Variants in VWC2 observed in about 807,000 individuals in gnomAD.
The protein encoded by VWC2 is brorin.
A neutral mutation model predicts 29.8 loss-of-function variants in VWC2; 14 were observed. That is an observed-to-expected ratio of 0.47 (90% CI 0.31 to 0.74). The LOEUF (loss-of-function observed/expected upper bound fraction) is 0.74, where lower values mean the gene tolerates loss of function less well. Among genes scored for constraint, VWC2 ranks in the 30% least tolerant of loss-of-function variants. VWC2 has a pLI of 0.05. For synonymous variants in VWC2, 213 were observed against 199.0 expected (o/e 1.07, Z -0.59); for missense variants, 457 against 459.8 (o/e 0.99, Z 0.05).
rs551050114 is a variant in VWC2, at chr7:49,920,054, A to G, written c.*7869A>G. 1.3e-5 allele frequency: 2 copies of G among 152,282 alleles called. No individual in the cohort carries two copies. Among genetic ancestry groups the G allele is most frequent in the Non-Finnish European group, 2.9e-5 (2 of 68,002 alleles). 9.4% of individuals were successfully genotyped at this position (152,282 alleles called of 1,614,324 possible). ...TAATGGTGTTTTTTTTTGGTACAAT[A>G]AACAGCATACCTACATTTCAGAGGA... On this transcript the variant is annotated 3_prime_UTR_variant, in exon 4 of 4. Coordinates refer to ENST00000340652, the MANE Select transcript of VWC2 (RefSeq NM_198570.5).
intron 2 of VWC2, among the ~76,000 whole-genome samples, chr7:49,792,942 G>A (rs1788498407): frequency 6.6e-6 from 1 of 152,200 alleles, no homozygotes; most frequent in Admixed American, 6.5e-5. Context: ...CACGTCTCAT[G>A]GCCTACCTGG....
intron 2 of VWC2, among the ~76,000 whole-genome samples, chr7:49,792,211 A>G (rs1788476509): frequency 1.3e-5 from 2 of 152,170 alleles, no homozygotes; most frequent in Non-Finnish European, 2.9e-5. Flanking sequence ...ATACCAGCGG[A>G]CGACTGTAAT....
At chr7:49,788,152 C>A (rs145181046) in intron 2 of VWC2, among the ~76,000 whole-genome samples, 2 of 152,208 alleles carry the variant, frequency 1.3e-5, no homozygotes, top group Admixed American at 6.5e-5. Flanking sequence ...AGTGCCTGTC[C>A]ACTCCTGGCT....
intron 2 of VWC2, among the ~76,000 whole-genome samples, chr7:49,783,707 G>A (rs1230215338): frequency 2.0e-5 from 3 of 152,160 alleles, no homozygotes; most frequent in Non-Finnish European, 2.9e-5. Context: ...AGGGCCCTGT[G>A]AGTTCTCTCA....
chr7:49,810,899 A>G (rs1788992291), intron 3 of VWC2, among the ~76,000 whole-genome samples: 1 of 152,208 alleles, frequency 6.6e-6, no homozygotes, highest in Admixed American at 6.5e-5. Context: ...GTGAGTGTTT[A>G]AACTATGTAA....
At chr7:49,782,542 TAA>T (rs11354472) in intron 2 of VWC2, among the ~76,000 whole-genome samples, 12 of 145,896 alleles carry the variant, frequency 8.2e-5, no homozygotes, top group Non-Finnish European at 1.4e-4. Flanking sequence ...TTCTAGTGGT[TAA>T]AAAAAAAAAA....
intron 3 of VWC2, among the ~76,000 whole-genome samples, chr7:49,828,479 C>T (rs1487714323): frequency 2.0e-5 from 3 of 152,116 alleles, no homozygotes; most frequent in Non-Finnish European, 4.4e-5. Context: ...TTTTACACTC[C>T]TACCAGCAAT....
rs186391455 is a variant in VWC2, at chr7:49,810,237, T to C, written c.826+7397T>C. Among the ~76,000 whole-genome samples the C allele has an allele frequency of 3.6e-3, 554 of 152,042 alleles. 1 individual carries two copies. Among genetic ancestry groups the C allele is most frequent in the African/African-American group, 0.013 (531 of 41,520 alleles). Reference sequence around the variant, plus strand: ...AATACCAGATACATATACAAAAATATACATTTTTGTAGTATACAATGGATA... The same window carrying C: ...AATACCAGATACATATACAAAAATACACATTTTTGTAGTATACAATGGATA... On this transcript the variant is annotated intron_variant, in intron 3 of 3. Transcript: ENST00000340652.
At chr7:49,795,403 G>A (rs1371358188) in intron 2 of VWC2, among the ~76,000 whole-genome samples, 1 of 152,168 alleles carries the variant, frequency 6.6e-6, no homozygotes, top group Non-Finnish European at 1.5e-5. Flanking sequence ...GTTCTGAACT[G>A]GAATCAGGAC....
chr7:49,859,787 CGT>C (rs1491324470), intron 3 of VWC2, among the ~76,000 whole-genome samples: 9,514 of 74,854 alleles, frequency 0.13, 388 homozygotes, highest in African/African-American at 0.21. Flanking sequence ...AGTGCGCGTG[CGT>C]GCACACACAC....
intron 3 of VWC2, among the ~76,000 whole-genome samples, chr7:49,893,955 GGACC>G (rs1488493833): frequency 6.6e-6 from 1 of 152,162 alleles, no homozygotes; most frequent in African/African-American, 2.4e-5. Flanking sequence ...AGCAGATGCT[GGACC>G]CTGCTGGGCT....
At chr7:49,779,925 T>TG (rs1271816558) in intron 2 of VWC2, among the ~76,000 whole-genome samples, 1 of 152,226 alleles carries the variant, frequency 6.6e-6, no homozygotes, top group Non-Finnish European at 1.5e-5. Context: ...CATATTGGAT[T>TG]GGGGCCTGAC....
chr7:49,876,578 C>T (rs1791422166), intron 3 of VWC2, among the ~76,000 whole-genome samples: 2 of 152,148 alleles, frequency 1.3e-5, no homozygotes, highest in South Asian at 4.1e-4. Flanking sequence ...TAAATACCTA[C>T]TTGGAGAAAC....
intron 3 of VWC2, among the ~76,000 whole-genome samples, chr7:49,813,546 G>T (rs1305949815): frequency 6.6e-6 from 1 of 152,198 alleles, no homozygotes; most frequent in Non-Finnish European, 1.5e-5. Flanking sequence ...TTTCCTGCCA[G>T]TCAAATTTAC....
At chr7:49,800,012 T>G (rs886925998) in intron 2 of VWC2, among the ~76,000 whole-genome samples, 2 of 152,228 alleles carry the variant, frequency 1.3e-5, no homozygotes, top group African/African-American at 4.8e-5. Context: ...ATGGGGCACA[T>G]GAGTGCGGCT....
At chr7:49,909,713 G>A (rs1793301038) in intron 3 of VWC2, among the ~76,000 whole-genome samples, 2 of 152,140 alleles carry the variant, frequency 1.3e-5, no homozygotes, top group African/African-American at 4.8e-5. Flanking sequence ...CTAAAATTTG[G>A]GAGTCATTGC....
chr7:49,910,176 G>T (rs1464459954), intron 3 of VWC2, among the ~76,000 whole-genome samples: 1 of 152,144 alleles, frequency 6.6e-6, no homozygotes, highest in Non-Finnish European at 1.5e-5. Flanking sequence ...ATGCAAGCAG[G>T]CAGCCATGTG....
At chr7:49,899,078 C>A (rs4917099) in intron 3 of VWC2, among the ~76,000 whole-genome samples, 116,274 of 151,916 alleles carry the variant, frequency 0.77, 44,674 homozygotes, top group East Asian at 0.89. Flanking sequence ...AACAACACAC[C>A]ACTATTTGTT....
intron 3 of VWC2, among the ~76,000 whole-genome samples, chr7:49,880,745 C>T (rs1035703698): frequency 1.3e-5 from 2 of 151,950 alleles, no homozygotes; most frequent in Admixed American, 6.6e-5. Flanking sequence ...GACGAGTTAA[C>T]GGATGCAGCA....
Sources: allele counts gnomAD v4.1 joint callset (sites outside exome capture counted in the v4.1 genomes callset), GRCh38; gene constraint gnomAD v4.1.1; transcripts MANE v1.5; gene names NCBI Gene and HGNC (gene_info 2026-07-23, HGNC 2026-07-21).